Variants in IDE observed in about 807,000 individuals in gnomAD.
The protein encoded by IDE is insulin-degrading enzyme.
Under a neutral mutation model 133.2 loss-of-function variants are expected in IDE, and 58 were observed. That is an observed-to-expected ratio of 0.44 (90% CI 0.35 to 0.54). The LOEUF (loss-of-function observed/expected upper bound fraction) is 0.54, where lower values mean the gene tolerates loss of function less well. Ranked by LOEUF, IDE falls within the 20% of genes least tolerant of loss-of-function variation. The probability of loss-of-function intolerance (pLI) is 0.00; values close to 1 mark genes in which losing one functional copy is unlikely to be tolerated. For missense variants in IDE, 981 were observed against 1,234.0 expected, an observed-to-expected ratio of 0.79 and a Z score of 3.07; for synonymous variants, 396 against 421.3, an observed-to-expected ratio of 0.94 and a Z score of 0.73.
In IDE at chr10:92,514,999, A is replaced by T. The variant is rs768720745; in HGVS notation, c.705T>A (p.Ile235=). The T allele has an allele frequency of 1.2e-6, 2 of 1,609,978 alleles. No individual in the cohort carries two copies. Among genetic ancestry groups the T allele is most frequent in the African/African-American group, 2.7e-5 (2 of 74,852 alleles). ...ATTTCAGTAGCTCTTGTCTTACATC[A>T]ATGCCTTCTTGGTTTGGTCTAGTCT... is the stretch of plus-strand genomic sequence containing the variant. ...TLETRPNQEG[I]DVRQELLKFH... is the part of the protein sequence containing the mutation. Residue 235 remains isoleucine (I), a synonymous_variant, in exon 5 of 25, where the codon ATT becomes ATA. Coordinates refer to ENST00000265986, the MANE Select transcript of IDE (RefSeq NM_004969.4).
chr10:92,573,638 G>A (rs1188559934), intron 1 of IDE, among the ~76,000 whole-genome samples: 2 of 152,190 alleles, frequency 1.3e-5, no homozygotes, highest in African/African-American at 2.4e-5. Context: ...TGCGCCCCCC[G>A]CACTAGTGGC....
intron 19 of IDE, among the ~76,000 whole-genome samples, chr10:92,466,227 T>A (rs1455797504): frequency 1.3e-5 from 1 of 78,218 alleles, no homozygotes; most frequent in Non-Finnish European, 2.2e-5. Context: ...TGAGACCCTG[T>A]CTCAAAAAAA....
At chr10:92,508,975 G>T in intron 6 of IDE, 85 bp from the exon 7 acceptor site, 1 of 1,092,672 alleles carries the variant, frequency 9.2e-7, no homozygotes, top group Non-Finnish European at 1.3e-6. Context: ...GATTTTCATG[G>T]GAGAATCCCA....
chr10:92,539,503 C>T (rs1842193959), intron 1 of IDE, among the ~76,000 whole-genome samples: 1 of 152,074 alleles, frequency 6.6e-6, no homozygotes, highest in African/African-American at 2.4e-5. Context: ...CGGTGGCTCG[C>T]GCCTGTAATC....
intron 20 of IDE, 45 bp downstream of exon 20, chr10:92,465,631 C>T: frequency 6.6e-7 from 1 of 1,512,150 alleles, no homozygotes; most frequent in Non-Finnish European, 9.1e-7. Context: ...GAAAATAATT[C>T]ATCAAAGTCT....
chr10:92,492,813 C>A (rs1021975314), intron 11 of IDE, among the ~76,000 whole-genome samples: 27 of 152,182 alleles, frequency 1.8e-4, no homozygotes, highest in Admixed American at 1.6e-3. Context: ...ACCTCCCCAA[C>A]TTCAACGCTA....
intron 6 of IDE, among the ~76,000 whole-genome samples, chr10:92,509,410 T>TGG (rs1848469201): frequency 6.6e-6 from 1 of 152,008 alleles, no homozygotes; most frequent in African/African-American, 2.4e-5. Context: ...CTGGCCAACA[T>TGG]GGTGAAACCC....
chr10:92,479,495 C>G (rs1846476469), intron 14 of IDE, 74 bp from the exon 15 acceptor site: 2 of 1,122,748 alleles, frequency 1.8e-6, no homozygotes, highest in Non-Finnish European at 2.7e-6. Flanking sequence ...TGAGATGGAT[C>G]AAGATATTGA....
At chr10:92,569,236 G>A (rs1230823644) in intron 1 of IDE, among the ~76,000 whole-genome samples, 1 of 78,900 alleles carries the variant, frequency 1.3e-5, no homozygotes, top group Non-Finnish European at 2.4e-5. Flanking sequence ...AGAAGAGTTA[G>A]GCTGAAAAGT....
At chr10:92,474,987 A>C (rs756847945) in intron 16 of IDE, 26 bp from the exon 17 acceptor site, 3 of 1,566,696 alleles carry the variant, frequency 1.9e-6, no homozygotes, top group South Asian at 2.4e-5. Context: ...TGCGTTCATT[A>C]ATTTTATAAA....
chr10:92,464,531 C>T (rs1438797399), intron 20 of IDE, among the ~76,000 whole-genome samples: 1 of 152,196 alleles, frequency 6.6e-6, no homozygotes, highest in African/African-American at 2.4e-5. Context: ...AGGACATGCA[C>T]TACCTTCCTT....
At chr10:92,571,082 C>T (rs1365743186) in intron 1 of IDE, among the ~76,000 whole-genome samples, 3 of 151,458 alleles carry the variant, frequency 2.0e-5, no homozygotes, top group African/African-American at 2.4e-5. Flanking sequence ...TGGGTTCAAG[C>T]GATTCTCCTG....
At chr10:92,573,843 G>T in intron 1 of IDE, 79 bp downstream of exon 1, 1 of 1,017,400 alleles carries the variant, frequency 9.8e-7, no homozygotes, top group South Asian at 1.9e-5. Context: ...TTTAAGTGCT[G>T]AATCACCACT....
At chr10:92,500,656 T>C (rs1457494090) in intron 11 of IDE, among the ~76,000 whole-genome samples, 1 of 152,228 alleles carries the variant, frequency 6.6e-6, no homozygotes, top group African/African-American at 2.4e-5. Flanking sequence ...ATGATTTCTT[T>C]GTCTATCCAT....
At chr10:92,458,736 G>A (rs113079845) in intron 22 of IDE, among the ~76,000 whole-genome samples, 5,158 of 151,880 alleles carry the variant, frequency 0.034, 136 homozygotes, top group Admixed American at 0.058. Context: ...TCCTGACCTC[G>A]TGATCTGCCC....
chr10:92,524,363 T>TATTA lies in IDE; in HGVS notation c.661+7384_661+7385insTAAT, dbSNP rs57975380. Among the ~76,000 whole-genome samples the TATTA allele has an allele frequency of 1.0e-3, 10 of 9,666 alleles. 1 individual carries two copies. In the Admixed American group the frequency reaches 0.011, roughly 11 times the overall value. 6.3% of individuals were successfully genotyped at this position (9,666 alleles called of 152,430 possible). A position where few individuals can be genotyped will look rare whatever the true frequency, so the allele number is the denominator to read the frequency against. ...TATATTATATATAATATATTTTATA[T>TATTA]TATAATATATATTATATATAATATA... On this transcript the variant is annotated intron_variant, in intron 4 of 24. Coordinates refer to ENST00000265986, the MANE Select transcript of IDE (RefSeq NM_004969.4).
intron 1 of IDE, among the ~76,000 whole-genome samples, chr10:92,548,390 A>G (rs1842627716): frequency 7.3e-6 from 1 of 137,710 alleles, no homozygotes; most frequent in Admixed American, 7.5e-5. Flanking sequence ...AAAAAAAAAG[A>G]GTCAGATGAA....
intron 1 of IDE, among the ~76,000 whole-genome samples, chr10:92,555,578 G>A (rs1014645330): frequency 6.6e-6 from 1 of 150,872 alleles, no homozygotes; most frequent in East Asian, 1.9e-4. Flanking sequence ...AAAATTATTT[G>A]CACTATATTG....
In IDE at chr10:92,532,019, GCAGAAT is replaced by G. The variant is rs1849953610; in HGVS notation, c.492-108_492-103del. 9 of 811,862 alleles carry G rather than the reference GCAGAAT, an allele frequency of 1.1e-5. No individual in the cohort carries two copies. The South Asian group carries it at 2.2e-4, about 20-fold the overall frequency. The allele number at this position is 811,862 out of a possible 1,614,324, so 50.3% of individuals were successfully genotyped here. A position where few individuals can be genotyped will look rare whatever the true frequency, so the allele number is the denominator to read the frequency against. Reference sequence around the variant, plus strand: ...TTATTAGATAGGAAATGTAAATTTTGCAGAATCAGAAACAAAACTACCATTGCTACT... The same window carrying G: ...TTATTAGATAGGAAATGTAAATTTTGCAGAAACAAAACTACCATTGCTACT... On this transcript the variant is annotated intron_variant, in intron 3 of 24. Transcript: ENST00000265986.
Sources: allele counts gnomAD v4.1 joint callset (sites outside exome capture counted in the v4.1 genomes callset), GRCh38; gene constraint gnomAD v4.1.1; transcripts MANE v1.5; gene names NCBI Gene and HGNC (gene_info 2026-07-23, HGNC 2026-07-21).